The following TSPEAR variants were observed in gnomAD, a reference collection of about 807,000 sequenced individuals.
The protein encoded by TSPEAR is thrombospondin type laminin G domain and EAR repeats, also known as thrombospondin-type laminin G domain and EAR repeat-containing protein.
TSPEAR carries 69 observed loss-of-function variants against 71.6 expected under a neutral mutation model. The ratio of observed to expected loss-of-function variants is 0.96; its 90% CI spans 0.79 to 1.18. TSPEAR has a LOEUF of 1.18. Ranked by LOEUF, TSPEAR falls within the 50% of genes most tolerant of loss-of-function variation. TSPEAR has a pLI of 0.00. For synonymous variants in TSPEAR, 402 were observed against 387.2 expected (o/e 1.04, Z -0.45); for missense variants, 971 against 894.9 (o/e 1.09, Z -1.09).
intron 1 of TSPEAR, among the ~76,000 whole-genome samples, chr21:44,688,617 G>A (rs1986968851): frequency 1.3e-5 from 2 of 152,152 alleles, no homozygotes; most frequent in Admixed American, 6.5e-5. Flanking sequence ...CTAGTCAGGA[G>A]GCTGAGGCAT....
chr21:44,621,350 G>A (rs1202059593), intron 1 of TSPEAR, among the ~76,000 whole-genome samples: 3 of 152,096 alleles, frequency 2.0e-5, no homozygotes, highest in Non-Finnish European at 4.4e-5. Flanking sequence ...CATATACATT[G>A]GTGATCTGAT....
At chr21:44,513,446 C>T (rs2052458491) in intron 9 of TSPEAR, among the ~76,000 whole-genome samples, 1 of 152,236 alleles carries the variant, frequency 6.6e-6, no homozygotes, top group East Asian at 1.9e-4. Flanking sequence ...ATCAAAGGCC[C>T]TGCCAAACCC....
chr21:44,647,316 C>T (rs1984497614), intron 1 of TSPEAR: 1 of 1,613,930 alleles, frequency 6.2e-7, no homozygotes. Context: ...CCCGCCTGGC[C>T]TGCTACAGCC....
chr21:44,654,678 TG>T (rs1419051807), intron 1 of TSPEAR: 4 of 1,197,296 alleles, frequency 3.3e-6, no homozygotes, highest in Non-Finnish European at 4.6e-6. Flanking sequence ...CTTCCTTAGG[TG>T]GCCTTTATAC....
intron 2 of TSPEAR, among the ~76,000 whole-genome samples, chr21:44,538,550 C>G (rs1287750579): frequency 4.0e-5 from 6 of 151,582 alleles, no homozygotes; most frequent in African/African-American, 1.5e-4. Flanking sequence ...GGTGCAGCAG[C>G]CCCTCCCTCT....
chr21:44,500,769 CATATTT>C (rs1414685255), intron 11 of TSPEAR, among the ~76,000 whole-genome samples: 2 of 152,158 alleles, frequency 1.3e-5, no homozygotes, highest in African/African-American at 4.8e-5. Context: ...TCTAAAAATT[CATATTT>C]ATATCTTTTG....
intron 1 of TSPEAR, among the ~76,000 whole-genome samples, chr21:44,653,027 G>T (rs889229915): frequency 6.6e-6 from 1 of 151,990 alleles, no homozygotes; most frequent in African/African-American, 2.4e-5. Context: ...GCGTGGCGGC[G>T]GGCACCTGTA....
At position 44,530,116 on chromosome 21, in the gene TSPEAR, T is replaced by C. The variant is rs17004665; in HGVS notation, c.634-162A>G. 0.039 allele frequency among the ~76,000 whole-genome samples: 5,895 copies of C among 151,614 alleles called. 440 individuals carry two copies. The highest frequency in any genetic ancestry group is 0.14 in the African/African-American group (5,552 of 40,852). On this transcript the variant is annotated intron_variant, in intron 4 of 11. Coordinates refer to ENST00000323084, the MANE Select transcript of TSPEAR (RefSeq NM_144991.3). ...TGGGAAGAGTTTACATGATGGTTAC[T>C]GAGGAGGCCATGGGAGCAATGGTGA...
At chr21:44,628,221 C>A (rs112351109) in intron 1 of TSPEAR, 18 of 701,696 alleles carry the variant, frequency 2.6e-5, no homozygotes, top group Non-Finnish European at 3.8e-5. Context: ...ACCTCCCCCC[C>A]GGGCAGGCGA....
At position 44,623,829 on chromosome 21, in the gene TSPEAR, T is replaced by C. The variant is rs118055323; in HGVS notation, c.83-55824A>G. 1.9e-3 allele frequency among the ~76,000 whole-genome samples: 292 copies of C among 152,336 alleles called. 3 individuals carry two copies. In the East Asian group the frequency reaches 0.05, roughly 26 times the overall value. The stretch of plus-strand genomic sequence containing the variant: ...AGGTAATATTTCTTTTTTTTTCCCT[T>C]GGCTGTTTTTAAATTTTTCTCTGTC... On this transcript the variant is annotated intron_variant, in intron 1 of 11. Transcript: ENST00000323084. This position sits in a 1 kb window ranked among gnomAD's most constrained non-coding sequence, Gnocchi z 4.5.
intron 11 of TSPEAR, among the ~76,000 whole-genome samples, chr21:44,504,244 G>T (rs72497625): frequency 0.24 from 31,023 of 130,914 alleles, 3,613 homozygotes; most frequent in East Asian, 0.36. Context: ...CCCTCGGGGG[G>T]TAGCTGGCCT....
chr21:44,500,063 C>G, intron 11 of TSPEAR, 127 bp from the exon 12 acceptor site: 1 of 973,958 alleles, frequency 1.0e-6, no homozygotes, highest in Non-Finnish European at 1.5e-6. Context: ...TCCATCCCCC[C>G]GACTGGCACA....
chr21:44,628,840 C>T (rs1397607267), intron 1 of TSPEAR, among the ~76,000 whole-genome samples: 6 of 152,120 alleles, frequency 3.9e-5, no homozygotes, highest in Admixed American at 6.5e-5. Context: ...CACTCACAGA[C>T]GCTCAGGGAT....
intron 1 of TSPEAR, chr21:44,675,848 T>C (rs1308252167): frequency 1.4e-5 from 9 of 639,594 alleles, no homozygotes; most frequent in African/African-American, 3.6e-5. Context: ...AATACGACTT[T>C]ACGAAAATCT....
At chr21:44,575,050 C>T in intron 1 of TSPEAR, 4 of 1,565,478 alleles carry the variant, frequency 2.6e-6, no homozygotes, top group Non-Finnish European at 3.5e-6. Flanking sequence ...CCAGTGCCAG[C>T]CAGGCTCAGG....
At chr21:44,590,133 C>T (rs986877437) in intron 1 of TSPEAR, among the ~76,000 whole-genome samples, 3 of 152,222 alleles carry the variant, frequency 2.0e-5, no homozygotes, top group Non-Finnish European at 4.4e-5. Flanking sequence ...GGTGGGACTC[C>T]GGGAGGTCCT....
At chr21:44,542,620 A>G (rs587751849) in intron 2 of TSPEAR, among the ~76,000 whole-genome samples, 60 of 151,886 alleles carry the variant, frequency 4.0e-4, no homozygotes, top group African/African-American at 1.4e-3. Flanking sequence ...TTGGTGGTAC[A>G]TTTGTAGTCC....
intron 1 of TSPEAR, among the ~76,000 whole-genome samples, chr21:44,700,872 G>A (rs1555951443): frequency 6.6e-6 from 1 of 152,196 alleles, no homozygotes; most frequent in Non-Finnish European, 1.5e-5. Flanking sequence ...GGGGTGAGTG[G>A]ACCATGACCC....
chr21:44,526,805 C>A (rs1176042864), intron 7 of TSPEAR, among the ~76,000 whole-genome samples: 4 of 152,276 alleles, frequency 2.6e-5, no homozygotes, highest in Non-Finnish European at 5.9e-5. Context: ...CACCTCGACC[C>A]TCTGCCCAGA....
Sources: gnomAD v4.1 joint callset for allele counts (sites outside exome capture counted in the v4.1 genomes callset) on GRCh38, gnomAD v4.1.1 for gene constraint, Gnocchi (gnomAD v3.1) non-coding constraint, MANE v1.5 for transcripts, NCBI Gene and HGNC (gene_info 2026-07-23, HGNC 2026-07-21) for gene names.